HIBCH: variants seen among roughly 807,000 people sequenced by gnomAD.
HIBCH encodes the protein 3-hydroxyisobutyryl-CoA hydrolase.
In HIBCH, 50 loss-of-function variants were observed where a neutral mutation model predicts 58.2. The observed-to-expected ratio is 0.86, with a 90% CI of 0.68 to 1.09. HIBCH has a LOEUF of 1.09. HIBCH is among the 50% of genes least tolerant of loss of function. HIBCH has a pLI of 0.00. For missense variants in HIBCH, 450 were observed against 449.7 expected (o/e 1.00, Z -0.01); for synonymous variants, 151 against 146.9 (o/e 1.03, Z -0.20).
chr2:190,243,130 T>C lies in HIBCH; in HGVS notation c.891+1757A>G, dbSNP rs574765110. Among the ~76,000 whole-genome samples the C allele has an allele frequency of 1.3e-5, 2 of 152,270 alleles. No individual in the cohort carries two copies. Among genetic ancestry groups the C allele is most frequent in the Admixed American group, 6.5e-5 (1 of 15,298 alleles). ...GGGTGTTGCCAAAAGAGATTAACAT[T>C]TGAGTCAGTGGGCTGGGCAAGGCAG... On this transcript the variant is annotated intron_variant, in intron 11 of 13. Coordinates refer to ENST00000359678, the MANE Select transcript of HIBCH (RefSeq NM_014362.4). The surrounding 1 kb of genome is among the most constrained non-coding windows in gnomAD (Gnocchi z 4.1).
chr2:190,279,447 A>G lies in HIBCH; in HGVS notation c.438+8139T>C, dbSNP rs1364504506. ...GCACCAACTCAAAATTCCGAAGTCC[A>G]GAGTCCCATCTGTGAAGCCTGTGTA... On this transcript the variant is annotated intron_variant, in intron 6 of 13. Transcript: ENST00000359678. The surrounding 1 kb of genome is among the most constrained non-coding windows in gnomAD (Gnocchi z 4.2). 6.6e-6 allele frequency among the ~76,000 whole-genome samples: 1 copy of G among 152,202 alleles called. No individual in the cohort carries two copies. Among genetic ancestry groups the G allele is most frequent in the Non-Finnish European group, 1.5e-5 (1 of 68,030 alleles).
rs887838250 is a variant in HIBCH, at chr2:190,211,810, TCAA to T, written c.1011+1143_1011+1145del. 6.6e-6 allele frequency among the ~76,000 whole-genome samples: 1 copy of T among 152,218 alleles called. No homozygotes were observed. Among genetic ancestry groups the T allele is most frequent in the African/African-American group, 2.4e-5 (1 of 41,456 alleles). ...AAAATAAAGGACTGTGTCTTCTTAT[TCAA>T]CAATATAAGGCTAACACTGAGCACA... On this transcript the variant is annotated intron_variant, in intron 12 of 13. Transcript: ENST00000359678. This position sits in a 1 kb window ranked among gnomAD's most constrained non-coding sequence, Gnocchi z 5.0.
rs560227949 is a variant in HIBCH at position 190,283,368 on chromosome 2, G to A, written c.438+4218C>T. ...CAATCAGAATTAGTTTAGCCTGTGC[G>A]GTCTAACCCTAGCCAATAGGGGAAT... is the stretch of plus-strand genomic sequence containing the variant. On this transcript the variant is annotated intron_variant, in intron 6 of 13. Coordinates refer to ENST00000359678, the MANE Select transcript of HIBCH (RefSeq NM_014362.4). Among the ~76,000 whole-genome samples, 7 of 152,126 alleles carry A rather than the reference G, an allele frequency of 4.6e-5. No homozygotes were observed. The East Asian group carries it at 5.8e-4, about 13-fold the overall frequency.
At chr2:190,309,774 T>C (rs1442119856) in intron 2 of HIBCH, among the ~76,000 whole-genome samples, 1 of 152,088 alleles carries the variant, frequency 6.6e-6, no homozygotes, top group East Asian at 1.9e-4. Context: ...TTAGCCAGGA[T>C]GGTCTCGATC....
At chr2:190,261,745 G>A (rs1385131693) in intron 6 of HIBCH, among the ~76,000 whole-genome samples, 2 of 152,054 alleles carry the variant, frequency 1.3e-5, no homozygotes, top group African/African-American at 4.8e-5. Context: ...CTAGCCATGG[G>A]GGCTTCATGC....
chr2:190,191,822 G>A (rs774829498), intron 1 of HIBCH, among the ~76,000 whole-genome samples: 1 of 151,970 alleles, frequency 6.6e-6, no homozygotes, highest in Non-Finnish European at 1.5e-5. Context: ...TTGTTGTCTT[G>A]CTATTGAGTT....
chr2:190,309,943 T>G (rs1429108605), intron 2 of HIBCH, among the ~76,000 whole-genome samples: 2 of 152,254 alleles, frequency 1.3e-5, no homozygotes, highest in African/African-American at 4.8e-5. Flanking sequence ...CAAAGGAGAT[T>G]AACATTCAAG....
rs1690505289 is a variant in HIBCH, at chr2:190,211,152, C to CT, written c.1011+1803dup. 6.6e-6 allele frequency among the ~76,000 whole-genome samples: 1 copy of CT among 152,144 alleles called. No homozygotes were observed. The highest frequency in any genetic ancestry group is 1.5e-5 in the Non-Finnish European group (1 of 68,028). ...CTGGAACCTATGTACCTGGGTACCT[C>CT]TAACAGTGTCTACGACATAGTAAGC... is the stretch of plus-strand genomic sequence containing the variant. On this transcript the variant is annotated intron_variant, in intron 12 of 13. Transcript: ENST00000359678. This position sits in a 1 kb window ranked among gnomAD's most constrained non-coding sequence, Gnocchi z 5.0.
rs778922921 is a variant in HIBCH at position 190,296,956 on chromosome 2, G to C, written c.79-3C>G. 2 of 1,613,684 alleles carry C rather than the reference G, an allele frequency of 1.2e-6. No individual in the cohort carries two copies. Among genetic ancestry groups the C allele is most frequent in the Non-Finnish European group, 1.7e-6 (2 of 1,179,864 alleles). ...GCATCTGTGTGCTTGGACATTCTCT[G>C]TATAAACAAAGAATAACTTTATGAC... On this transcript the variant is annotated splice_polypyrimidine_tract_variant and splice_region_variant and intron_variant, in intron 2 of 13. Coordinates refer to ENST00000359678, the MANE Select transcript of HIBCH (RefSeq NM_014362.4).
chr2:190,272,721 T>C (rs1047287337), intron 6 of HIBCH, among the ~76,000 whole-genome samples: 1 of 152,048 alleles, frequency 6.6e-6, no homozygotes. Context: ...TCTATACTCC[T>C]GCAAGTCAAA....
intron 11 of HIBCH, among the ~76,000 whole-genome samples, chr2:190,230,310 G>GT (rs1686056629): frequency 6.6e-6 from 1 of 152,158 alleles, no homozygotes; most frequent in Non-Finnish European, 1.5e-5. Context: ...AACAGTAGTA[G>GT]TAAAAAAGGA....
chr2:190,294,457 C>T (rs1688051717), intron 4 of HIBCH, 89 bp downstream of exon 4: 1 of 906,042 alleles, frequency 1.1e-6, no homozygotes, highest in Admixed American at 2.0e-5. Flanking sequence ...AAAAGTAAAG[C>T]AAATTATAAA....
chr2:190,317,000 T>C (rs1688721478), intron 1 of HIBCH, among the ~76,000 whole-genome samples: 1 of 152,214 alleles, frequency 6.6e-6, no homozygotes, highest in East Asian at 1.9e-4. Flanking sequence ...CACTGTAAAC[T>C]TGAACTCTGT....
At chr2:190,300,240 A>T (rs938913212) in intron 2 of HIBCH, among the ~76,000 whole-genome samples, 2 of 152,154 alleles carry the variant, frequency 1.3e-5, no homozygotes, top group African/African-American at 4.8e-5. Flanking sequence ...AAATCGCGAC[A>T]CCGCTTTCCA....
downstream of HIBCH, chr2:190,201,131 T>C (rs1690227238): frequency 1.8e-5 from 3 of 167,018 alleles, no homozygotes; most frequent in Admixed American, 2.0e-4. Context: ...AGTACTCGTT[T>C]TCTGGGTTTT....
chr2:190,278,624 GAGC>G (rs71027208), intron 6 of HIBCH, among the ~76,000 whole-genome samples: 84,217 of 151,240 alleles, frequency 0.56, 24,139 homozygotes, highest in South Asian at 0.61. Context: ...AGAACCTGTA[GAGC>G]AGCAGTTTTT....
intron 13 of HIBCH, among the ~76,000 whole-genome samples, chr2:190,208,350 T>C (rs1424967833): frequency 6.6e-6 from 1 of 152,164 alleles, no homozygotes; most frequent in Admixed American, 6.5e-5. Context: ...AATGCATGTT[T>C]CAAAGGCCAC....
At chr2:190,241,582 T>G (rs1430605168) in intron 11 of HIBCH, among the ~76,000 whole-genome samples, 2 of 152,212 alleles carry the variant, frequency 1.3e-5, no homozygotes, top group Non-Finnish European at 2.9e-5. Context: ...TTTTGGTATG[T>G]TTTTGCAGTG....
At chr2:190,194,057 T>C (rs1031070653) in intron 1 of HIBCH, among the ~76,000 whole-genome samples, 2 of 152,242 alleles carry the variant, frequency 1.3e-5, no homozygotes, top group Non-Finnish European at 2.9e-5. Context: ...TTTAGAAATA[T>C]GTTTAGTTTC....
Sources: gnomAD v4.1 joint callset for allele counts (sites outside exome capture counted in the v4.1 genomes callset) on GRCh38, gnomAD v4.1.1 for gene constraint, Gnocchi (gnomAD v3.1) non-coding constraint, MANE v1.5 for transcripts, NCBI Gene and HGNC (gene_info 2026-07-23, HGNC 2026-07-21) for gene names.